Variants in CCDC91 observed in about 807,000 individuals in gnomAD.
CCDC91 encodes coiled-coil domain containing 91.
A neutral mutation model predicts 63.2 loss-of-function variants in CCDC91; 48 were observed. The ratio of observed to expected loss-of-function variants is 0.76; its 90% CI spans 0.60 to 0.97. The LOEUF (loss-of-function observed/expected upper bound fraction) is 0.97, where lower values mean the gene tolerates loss of function less well. Among genes scored for constraint, CCDC91 ranks in the 50% least tolerant of loss-of-function variants. The pLI, the probability that CCDC91 is intolerant of heterozygous loss-of-function variation, is 0.00. For synonymous variants in CCDC91, 167 were observed against 165.8 expected, an observed-to-expected ratio of 1.01 and a Z score of -0.06; for missense variants, 500 against 494.6, an observed-to-expected ratio of 1.01 and a Z score of -0.10.
At chr12:28,380,993 A>G (rs1312230995) in intron 7 of CCDC91, among the ~76,000 whole-genome samples, 4 of 152,094 alleles carry the variant, frequency 2.6e-5, no homozygotes. Flanking sequence ...GGCAAGGGAG[A>G]TAAACTGATG....
chr12:28,321,906 A>G (rs1565794151), intron 6 of CCDC91, among the ~76,000 whole-genome samples: 3 of 151,754 alleles, frequency 2.0e-5, no homozygotes, highest in Non-Finnish European at 4.4e-5. Context: ...CTATACGTAT[A>G]TCATTATACG....
intron 6 of CCDC91, among the ~76,000 whole-genome samples, chr12:28,321,548 G>A (rs764454630): frequency 5.3e-5 from 8 of 151,802 alleles, no homozygotes; most frequent in Non-Finnish European, 8.8e-5. Flanking sequence ...AGTAAATTAG[G>A]TTTAGATGAA....
chr12:28,429,611 CA>C (rs889249156), intron 8 of CCDC91, among the ~76,000 whole-genome samples: 13 of 151,996 alleles, frequency 8.6e-5, no homozygotes, highest in Non-Finnish European at 1.3e-4. Flanking sequence ...AAAGAATTGA[CA>C]TTTAAAAGGG....
chr12:28,239,880 A>G (rs1018718372), intron 1 of CCDC91, among the ~76,000 whole-genome samples: 1 of 152,196 alleles, frequency 6.6e-6, no homozygotes, highest in African/African-American at 2.4e-5. Context: ...GGGGGATTAT[A>G]GTAAATTGTT....
At chr12:28,276,928 A>G (rs1948269354) in intron 3 of CCDC91, among the ~76,000 whole-genome samples, 2 of 151,910 alleles carry the variant, frequency 1.3e-5, no homozygotes. Context: ...AGCTGTTTGT[A>G]TTAGGTATTA....
intron 11 of CCDC91, among the ~76,000 whole-genome samples, chr12:28,478,373 G>A (rs1416128759): frequency 3.9e-5 from 6 of 152,042 alleles, no homozygotes; most frequent in Admixed American, 6.6e-5. Flanking sequence ...AGGATTCCCA[G>A]TTTAACAAGT....
At chr12:28,253,553 C>T (rs1946258346) in intron 1 of CCDC91, among the ~76,000 whole-genome samples, 1 of 152,142 alleles carries the variant, frequency 6.6e-6, no homozygotes, top group Non-Finnish European at 1.5e-5. Flanking sequence ...CAGTACCTCC[C>T]ATTGCTGAGC....
intron 4 of CCDC91, among the ~76,000 whole-genome samples, 200 bp downstream of exon 4, chr12:28,306,006 A>G (rs907103706): frequency 2.0e-5 from 3 of 152,126 alleles, no homozygotes; most frequent in Non-Finnish European, 2.9e-5. Flanking sequence ...ATTGCAAAGT[A>G]TTTAAGTAGC....
intron 8 of CCDC91, among the ~76,000 whole-genome samples, chr12:28,404,184 C>T (rs534574768): frequency 2.4e-4 from 36 of 152,000 alleles, no homozygotes; most frequent in East Asian, 1.2e-3. Context: ...GCACCTCTTT[C>T]GGTGTGTCTA....
At chr12:28,506,227 C>A (rs958196858) in intron 12 of CCDC91, among the ~76,000 whole-genome samples, 7 of 151,878 alleles carry the variant, frequency 4.6e-5, no homozygotes, top group African/African-American at 9.7e-5. Context: ...AAGCTGTATA[C>A]CAGACTTGGT....
chr12:28,341,982 A>G (rs1277537001), intron 6 of CCDC91, among the ~76,000 whole-genome samples: 2 of 152,188 alleles, frequency 1.3e-5, no homozygotes, highest in Non-Finnish European at 2.9e-5. Flanking sequence ...ATGTCAAGAG[A>G]TTCTTTAAAA....
chr12:28,277,751 C>T (rs1948343285), intron 3 of CCDC91, among the ~76,000 whole-genome samples: 1 of 151,872 alleles, frequency 6.6e-6, no homozygotes, highest in Admixed American at 6.6e-5. Context: ...TAACTGGTTT[C>T]TTTGCCTTGT....
intron 1 of CCDC91, among the ~76,000 whole-genome samples, chr12:28,197,916 A>T (rs1941907005): frequency 6.6e-6 from 1 of 152,098 alleles, no homozygotes; most frequent in South Asian, 2.1e-4. Flanking sequence ...AGGATACAAC[A>T]ATTTATTTAT....
chr12:28,525,062 T>C (rs563090101), intron 12 of CCDC91, among the ~76,000 whole-genome samples: 1 of 152,154 alleles, frequency 6.6e-6, no homozygotes, highest in African/African-American at 2.4e-5. Context: ...TTGTTTCATG[T>C]ATCTTTTGTA....
chr12:28,486,699 A>C (rs1409187434), intron 12 of CCDC91, among the ~76,000 whole-genome samples: 4 of 152,016 alleles, frequency 2.6e-5, no homozygotes, highest in African/African-American at 9.7e-5. Context: ...CTGACAATGA[A>C]CTCTGGCATT....
At chr12:28,418,404 G>T (rs763295387) in intron 8 of CCDC91, among the ~76,000 whole-genome samples, 1 of 152,088 alleles carries the variant, frequency 6.6e-6, no homozygotes, top group Non-Finnish European at 1.5e-5. Flanking sequence ...AAGATGGAAG[G>T]TAGTATTATA....
intron 12 of CCDC91, among the ~76,000 whole-genome samples, chr12:28,548,234 G>T (rs769485953): frequency 1.3e-5 from 2 of 151,814 alleles, no homozygotes; most frequent in Non-Finnish European, 2.9e-5. Flanking sequence ...CAAGGGACAA[G>T]AACAAAAAAA....
At chr12:28,519,968 A>T (rs1003561680) in intron 12 of CCDC91, among the ~76,000 whole-genome samples, 1 of 151,960 alleles carries the variant, frequency 6.6e-6, no homozygotes, top group Non-Finnish European at 1.5e-5. Flanking sequence ...AATCCAGTCT[A>T]TCATTGATGG....
chr12:28,495,741 T>C (rs1242132799), intron 12 of CCDC91, among the ~76,000 whole-genome samples: 1 of 151,658 alleles, frequency 6.6e-6, no homozygotes, highest in Non-Finnish European at 1.5e-5. Context: ...GATCAACTAA[T>C]TTTGTTTTTG....
Sources: gnomAD v4.1 joint callset for allele counts (sites outside exome capture counted in the v4.1 genomes callset) on GRCh38, gnomAD v4.1.1 for gene constraint, MANE v1.5 for transcripts, NCBI Gene and HGNC (gene_info 2026-07-23, HGNC 2026-07-21) for gene names.